CTNNA2: variants seen among roughly 807,000 people sequenced by gnomAD.
CTNNA2 encodes the protein catenin alpha 2.
In CTNNA2, 42 loss-of-function variants were observed where a neutral mutation model predicts 101.0. That is an observed-to-expected ratio of 0.42 (90% CI 0.32 to 0.54). The LOEUF (loss-of-function observed/expected upper bound fraction) is 0.54, where lower values mean the gene tolerates loss of function less well. Among genes scored for constraint, CTNNA2 ranks in the 20% least tolerant of loss-of-function variants. CTNNA2 has a pLI of 0.14. For missense variants in CTNNA2, 871 were observed against 1,223.1 expected, an observed-to-expected ratio of 0.71 and a Z score of 4.29; for synonymous variants, 450 against 456.4, an observed-to-expected ratio of 0.99 and a Z score of 0.18.
chr2:79,536,207 C>T (rs1391370807), intron 1 of CTNNA2, among the ~76,000 whole-genome samples: 1 of 152,130 alleles, frequency 6.6e-6, no homozygotes. Context: ...TCCCAAGTGG[C>T]TAGGTTTTCT....
chr2:79,941,741 C>T (rs1021664387), intron 7 of CTNNA2, among the ~76,000 whole-genome samples: 20 of 152,148 alleles, frequency 1.3e-4, no homozygotes, highest in Admixed American at 5.2e-4. Flanking sequence ...GTGTCAGCCT[C>T]CTAAGTAGCT....
chr2:80,124,957 AG>A (rs1702035692), intron 7 of CTNNA2, among the ~76,000 whole-genome samples: 1 of 152,172 alleles, frequency 6.6e-6, no homozygotes, highest in Admixed American at 6.5e-5. Context: ...GCCAAGGCAG[AG>A]GGGAAGATTT....
chr2:79,690,200 T>G (rs1406072160), intron 2 of CTNNA2, among the ~76,000 whole-genome samples: 3 of 151,922 alleles, frequency 2.0e-5, no homozygotes, highest in Non-Finnish European at 4.4e-5. Flanking sequence ...ATTAGAGATT[T>G]AAAAAAAGAT....
intron 3 of CTNNA2, among the ~76,000 whole-genome samples, chr2:79,815,703 A>G (rs1292194251): frequency 6.6e-6 from 1 of 152,072 alleles, no homozygotes; most frequent in Non-Finnish European, 1.5e-5. Context: ...TGATGCCTCC[A>G]GGTTTGTTCT....
intron 2 of CTNNA2, among the ~76,000 whole-genome samples, chr2:79,269,849 C>G (rs1029130035): frequency 6.6e-6 from 1 of 152,122 alleles, no homozygotes; most frequent in African/African-American, 2.4e-5. Context: ...AGCATGTTCA[C>G]TAACTCATGG....
intron 1 of CTNNA2, among the ~76,000 whole-genome samples, chr2:79,557,731 T>C (rs904288103): frequency 3.3e-5 from 5 of 151,966 alleles, no homozygotes; most frequent in African/African-American, 9.7e-5. Flanking sequence ...CATAATGTAA[T>C]TCATTTGTTT....
chr2:80,492,237 T>C (rs1307562316), intron 9 of CTNNA2, among the ~76,000 whole-genome samples: 1 of 152,192 alleles, frequency 6.6e-6, no homozygotes, highest in East Asian at 1.9e-4. Context: ...CTCTTCCTCC[T>C]GCTCCTGACA....
At chr2:79,519,320 T>G (rs529156755) in intron 1 of CTNNA2, among the ~76,000 whole-genome samples, 1 of 152,156 alleles carries the variant, frequency 6.6e-6, no homozygotes, top group South Asian at 2.1e-4. Flanking sequence ...TGTATTTTTT[T>G]TATTATATTA....
At chr2:80,168,960 T>G (rs1704872999) in intron 7 of CTNNA2, among the ~76,000 whole-genome samples, 4 of 152,154 alleles carry the variant, frequency 2.6e-5, no homozygotes, top group Admixed American at 2.6e-4. Flanking sequence ...GGAGCACCTA[T>G]CCTAAGCCAT....
intron 7 of CTNNA2, among the ~76,000 whole-genome samples, chr2:80,232,031 T>A (rs748598039): frequency 1.7e-4 from 26 of 152,192 alleles, no homozygotes; most frequent in Admixed American, 2.6e-4. Flanking sequence ...TCCAGGTCTT[T>A]AGATAATAAC....
chr2:80,569,633 G>GTTTTTTTTTTTTTT (rs70940088), intron 12 of CTNNA2, among the ~76,000 whole-genome samples: 610 of 51,694 alleles, frequency 0.012, 161 homozygotes, highest in Non-Finnish European at 0.017. Flanking sequence ...GGGTATTTAG[G>GTTTTTTTTTTTTTT]TTTTTTTTTT....
chr2:80,011,492 G>A (rs1693778790), intron 7 of CTNNA2, among the ~76,000 whole-genome samples: 1 of 152,150 alleles, frequency 6.6e-6, no homozygotes, highest in Non-Finnish European at 1.5e-5. Context: ...ACATAGTAGA[G>A]AACCTACCAG....
At chr2:80,324,702 C>T (rs1679075835) in intron 7 of CTNNA2, among the ~76,000 whole-genome samples, 3 of 152,128 alleles carry the variant, frequency 2.0e-5, no homozygotes, top group Admixed American at 2.0e-4. Context: ...CCTTGAGACT[C>T]CAAATCATCT....
chr2:80,416,130 T>C (rs1680023218), intron 8 of CTNNA2, among the ~76,000 whole-genome samples: 1 of 152,048 alleles, frequency 6.6e-6, no homozygotes, highest in Non-Finnish European at 1.5e-5. Flanking sequence ...TATGAGAATC[T>C]AATATACACC....
chr2:80,030,372 T>C (rs911658511), intron 7 of CTNNA2: 4 of 152,198 alleles, frequency 2.6e-5, no homozygotes, highest in African/African-American at 7.2e-5. Context: ...CAGTCTTTCA[T>C]CAGCAAAGGA....
chr2:80,397,367 G>T (rs1335878992), intron 8 of CTNNA2, among the ~76,000 whole-genome samples: 1 of 152,166 alleles, frequency 6.6e-6, no homozygotes, highest in African/African-American at 2.4e-5. Context: ...TTTTACAGAT[G>T]AGGATGTGAA....
intron 15 of CTNNA2, among the ~76,000 whole-genome samples, chr2:80,597,970 T>G (rs1006674322): frequency 6.6e-6 from 1 of 152,132 alleles, no homozygotes; most frequent in Admixed American, 6.5e-5. Flanking sequence ...ACCCAAAGGA[T>G]TATAAATCAT....
chr2:80,398,289 A>G (rs1573943750), intron 8 of CTNNA2, among the ~76,000 whole-genome samples: 1 of 152,240 alleles, frequency 6.6e-6, no homozygotes, highest in African/African-American at 2.4e-5. Context: ...AAATTTTAAA[A>G]CCATTTATTT....
chr2:80,012,492 G>T (rs1693860605), intron 7 of CTNNA2, among the ~76,000 whole-genome samples: 1 of 152,096 alleles, frequency 6.6e-6, no homozygotes, highest in African/African-American at 2.4e-5. Flanking sequence ...CTATCCCAGG[G>T]TCAGCAAACA....
Sources: gnomAD v4.1 joint callset for allele counts (sites outside exome capture counted in the v4.1 genomes callset) on GRCh38, gnomAD v4.1.1 for gene constraint, MANE v1.5 for transcripts, NCBI Gene and HGNC (gene_info 2026-07-23, HGNC 2026-07-21) for gene names.